GALNTL6: variants seen among roughly 807,000 people sequenced by gnomAD.
The protein encoded by GALNTL6 is polypeptide N-acetylgalactosaminyltransferase-like 6.
A neutral mutation model predicts 73.7 loss-of-function variants in GALNTL6; 46 were observed. The ratio of observed to expected loss-of-function variants is 0.62; its 90% CI spans 0.49 to 0.80. The LOEUF (loss-of-function observed/expected upper bound fraction) is 0.80. Ranked by LOEUF, GALNTL6 falls within the 30% of genes least tolerant of loss-of-function variation. The pLI is 0.00. For missense variants in GALNTL6, 604 were observed against 755.0 expected, an observed-to-expected ratio of 0.80 and a Z score of 2.34; for synonymous variants, 259 against 263.7, an observed-to-expected ratio of 0.98 and a Z score of 0.17.
At position 172,600,939 on chromosome 4, in the gene GALNTL6, A is replaced by C. The variant is rs1738031888; in HGVS notation, c.554-208422A>C. 2.0e-5 allele frequency among the ~76,000 whole-genome samples: 3 copies of C among 152,142 alleles called. No homozygotes were observed. The South Asian group carries it at 6.2e-4, about 32-fold the overall frequency. ...GTCCAATAAAAACATAAAAGTGTGAAGAGGCAGAAAAATCTGAACCATAAC... is the reference window on the plus strand; with the variant it reads ...GTCCAATAAAAACATAAAAGTGTGACGAGGCAGAAAAATCTGAACCATAAC... On this transcript the variant is annotated intron_variant, in intron 5 of 12. Transcript: ENST00000506823.
intron 4 of GALNTL6, among the ~76,000 whole-genome samples, chr4:172,343,421 T>C (rs548164875): frequency 2.0e-5 from 3 of 152,346 alleles, no homozygotes; most frequent in African/African-American, 4.8e-5. Context: ...TTGTTGCATA[T>C]GTACTAAAGT....
chr4:171,932,171 C>T (rs990934628), intron 2 of GALNTL6, among the ~76,000 whole-genome samples: 1 of 152,036 alleles, frequency 6.6e-6, no homozygotes, highest in South Asian at 2.1e-4. Context: ...GGTGTGAAAA[C>T]TATAACTGCT....
intron 5 of GALNTL6, among the ~76,000 whole-genome samples, chr4:172,674,649 G>T (rs535932286): frequency 6.6e-6 from 1 of 152,210 alleles, no homozygotes; most frequent in East Asian, 1.9e-4. Flanking sequence ...TTTCTTGGAG[G>T]TTTTGTTCAT....
At chr4:172,019,180 A>T (rs1741316256) in intron 2 of GALNTL6, among the ~76,000 whole-genome samples, 1 of 152,138 alleles carries the variant, frequency 6.6e-6, no homozygotes, top group East Asian at 1.9e-4. Flanking sequence ...TTTTTGGAAC[A>T]AAAGTTCATG....
chr4:172,995,191 A>G (rs942147789), intron 10 of GALNTL6, among the ~76,000 whole-genome samples: 2 of 152,154 alleles, frequency 1.3e-5, no homozygotes, highest in Admixed American at 1.3e-4. Flanking sequence ...ATAAAATAGC[A>G]CTCTAGAAAA....
At chr4:173,036,286 T>A (rs2126542596) in intron 12 of GALNTL6, among the ~76,000 whole-genome samples, 1 of 152,340 alleles carries the variant, frequency 6.6e-6, no homozygotes, top group Non-Finnish European at 1.5e-5. Flanking sequence ...ATTTGGTTCT[T>A]TTATGACCAG....
intron 5 of GALNTL6, among the ~76,000 whole-genome samples, chr4:172,679,855 C>T (rs747520351): frequency 3.3e-5 from 5 of 152,188 alleles, no homozygotes; most frequent in Non-Finnish European, 7.4e-5. Context: ...CTTGAAAACA[C>T]ATATTGTCTC....
At chr4:172,594,564 T>G (rs115821240) in intron 5 of GALNTL6, among the ~76,000 whole-genome samples, 13 of 152,308 alleles carry the variant, frequency 8.5e-5, no homozygotes, top group Non-Finnish European at 1.8e-4. Flanking sequence ...ATCATAGTTA[T>G]ATCTTGTTTT....
At chr4:172,079,976 C>G (rs985783768) in intron 2 of GALNTL6, among the ~76,000 whole-genome samples, 1 of 152,032 alleles carries the variant, frequency 6.6e-6, no homozygotes, top group African/African-American at 2.4e-5. Flanking sequence ...TACTTAGAAA[C>G]ATCTTTGCTG....
chr4:172,181,054 A>G (rs149834151), intron 2 of GALNTL6, among the ~76,000 whole-genome samples: 3,408 of 152,266 alleles, frequency 0.022, 45 homozygotes, highest in Non-Finnish European at 0.032. Flanking sequence ...TTTGGGCAGT[A>G]TGACCATTTT....
At position 171,994,308 on chromosome 4, in the gene GALNTL6, C is replaced by A. The variant is rs562983150; in HGVS notation, c.138+179590C>A. Among the ~76,000 whole-genome samples the A allele has an allele frequency of 1.1e-4, 17 of 152,074 alleles. No homozygotes were observed. The South Asian group carries it at 3.5e-3, about 32-fold the overall frequency. ...GGTCTTAATTGGCAATTAAATGAGC[C>A]AGCCTGGAAATGACATGAGTCAGGT... On this transcript the variant is annotated intron_variant, in intron 2 of 12. Coordinates refer to ENST00000506823, the MANE Select transcript of GALNTL6 (RefSeq NM_001034845.3).
rs530526629 is a variant in GALNTL6 at position 172,755,357 on chromosome 4, A to G, written c.554-54004A>G. ...AAAAAAAAAAATTCACTTGCCGAAT[A>G]CCACTCAATCAAAGTTTTTTGAGAA... On this transcript the variant is annotated intron_variant, in intron 5 of 12. Coordinates refer to ENST00000506823, the MANE Select transcript of GALNTL6 (RefSeq NM_001034845.3). 1.3e-3 allele frequency among the ~76,000 whole-genome samples: 200 copies of G among 152,198 alleles called. 1 individual carries two copies. The highest frequency in any genetic ancestry group is 4.6e-3 in the African/African-American group (191 of 41,526).
At chr4:172,218,985 T>C (rs1158212787) in intron 2 of GALNTL6, among the ~76,000 whole-genome samples, 1 of 151,194 alleles carries the variant, frequency 6.6e-6, no homozygotes, top group African/African-American at 2.4e-5. Flanking sequence ...TGAGATAAAG[T>C]TTTTTATTTC....
intron 5 of GALNTL6, among the ~76,000 whole-genome samples, chr4:172,773,580 A>G (rs192862733): frequency 7.8e-4 from 117 of 150,526 alleles, no homozygotes; most frequent in African/African-American, 2.3e-3. Context: ...ATGACAGTCC[A>G]CCTACACAGA....
At chr4:171,943,583 A>T (rs1459628046) in intron 2 of GALNTL6, among the ~76,000 whole-genome samples, 1 of 152,160 alleles carries the variant, frequency 6.6e-6, no homozygotes, top group African/African-American at 2.4e-5. Flanking sequence ...ACTAACTCTC[A>T]ACTTACTTTT....
chr4:172,386,989 A>T (rs888560549), intron 5 of GALNTL6, among the ~76,000 whole-genome samples: 7 of 152,282 alleles, frequency 4.6e-5, no homozygotes, highest in African/African-American at 1.4e-4. Flanking sequence ...CTCAATGCCT[A>T]TTGAAGCATT....
chr4:172,967,102 AT>A (rs1362359169), intron 10 of GALNTL6, among the ~76,000 whole-genome samples: 5 of 152,128 alleles, frequency 3.3e-5, no homozygotes, highest in African/African-American at 1.2e-4. Context: ...ACTTGATTGC[AT>A]TTCCTCCTAT....
chr4:172,596,573 C>A (rs139898537), intron 5 of GALNTL6, among the ~76,000 whole-genome samples: 177 of 152,178 alleles, frequency 1.2e-3, no homozygotes, highest in African/African-American at 3.7e-3. Context: ...TCAGAGCCTG[C>A]ATGAATAATC....
At chr4:171,876,725 G>T (rs1036798759) in intron 2 of GALNTL6, among the ~76,000 whole-genome samples, 2 of 152,186 alleles carry the variant, frequency 1.3e-5, no homozygotes, top group Admixed American at 6.5e-5. Flanking sequence ...TTGTGAATAA[G>T]AATTGTCCTC....
Sources: gnomAD v4.1 joint callset for allele counts (sites outside exome capture counted in the v4.1 genomes callset) on GRCh38, gnomAD v4.1.1 for gene constraint, MANE v1.5 for transcripts, NCBI Gene and HGNC (gene_info 2026-07-23, HGNC 2026-07-21) for gene names.